Variants in MSL3 observed in about 807,000 individuals in gnomAD.
The protein encoded by MSL3 is MSL3-like 1.
A neutral mutation model predicts 37.2 loss-of-function variants in MSL3; 5 were observed. The observed-to-expected ratio is 0.13, with a 90% CI of 0.07 to 0.28. The LOEUF (loss-of-function observed/expected upper bound fraction) is 0.28, where lower values mean the gene tolerates loss of function less well. Ranked by LOEUF, MSL3 falls within the 10% of genes least tolerant of loss-of-function variation. The pLI is 1.00. For synonymous variants in MSL3, 149 were observed against 147.6 expected (o/e 1.01, Z -0.07); for missense variants, 315 against 408.5 (o/e 0.77, Z 1.97).
intron 10 of MSL3, 194 bp downstream of exon 10, chrX:11,768,876 C>G (rs924093676): frequency 2.9e-5 from 11 of 383,157 alleles, no homozygotes; most frequent in African/African-American, 2.8e-4. Context: ...GATTCCAGCC[C>G]TACACTGACA....
intron 1 of MSL3, chrX:11,758,881 C>G: frequency 1.2e-6 from 1 of 817,945 alleles, no homozygotes. Flanking sequence ...GAACCCCATC[C>G]CGAGGGCAAG....
At chrX:11,774,773 G>A (rs756654659) in intron 12 of MSL3, among the ~76,000 whole-genome samples, 3 of 111,226 alleles carry the variant, frequency 2.7e-5, no homozygotes, top group Non-Finnish European at 5.7e-5. Flanking sequence ...CCTGATGATG[G>A]TGAAGGCATT....
chrX:11,771,778 A>G (rs1198941472), intron 10 of MSL3, among the ~76,000 whole-genome samples: 2 of 111,708 alleles, frequency 1.8e-5, no homozygotes, highest in African/African-American at 6.5e-5. Context: ...ATGGGGTTTC[A>G]ACATGTTGGC....
At chrX:11,760,582 C>A in intron 3 of MSL3, 84 bp downstream of exon 3, 1 of 626,176 alleles carries the variant, frequency 1.6e-6, no homozygotes, top group Non-Finnish European at 2.4e-6. Context: ...AAAAGTAATA[C>A]AATGACAAAT....
chrX:11,758,331 AC>A lies in MSL3; in HGVS notation c.72del (p.Thr25ProfsTer29). 2 of 1,134,559 alleles carry A rather than the reference AC, an allele frequency of 1.8e-6. No homozygotes were observed. Among genetic ancestry groups the A allele is most frequent in the East Asian group, 3.7e-5 (1 of 26,757 alleles). 93.5% of individuals were successfully genotyped at this position (1,134,559 alleles called of 1,213,427 possible). On this transcript the variant is annotated frameshift_variant, in exon 1 of 13. Coordinates refer to ENST00000312196, the MANE Select transcript of MSL3 (RefSeq NM_078629.4). LOFTEE classifies it high-confidence loss of function. ...GAGAAAGTGCTGTGCTTCGAGCCTG[AC>A]CCCACCAAGGCGCGAGTGCTGTACG... ...SGEKVLCFEP[D>X]PTKARVLYDA...
intron 12 of MSL3, 93 bp downstream of exon 12, chrX:11,772,798 A>G: frequency 2.1e-6 from 1 of 470,496 alleles, no homozygotes; most frequent in Non-Finnish European, 3.6e-6. Flanking sequence ...CAGCTCTGTG[A>G]TATTTTAAAT....
chrX:11,760,591 A>G (rs1341066495), intron 3 of MSL3, 93 bp downstream of exon 3: 3 of 581,233 alleles, frequency 5.2e-6, no homozygotes. Context: ...ACAATGACAA[A>G]TATCATTTAT....
At chrX:11,769,986 C>G (rs1030666923) in intron 10 of MSL3, among the ~76,000 whole-genome samples, 14 of 112,540 alleles carry the variant, frequency 1.2e-4, no homozygotes, top group Non-Finnish European at 2.3e-4. Flanking sequence ...AGTGTGTACC[C>G]TAAGGTCTCT....
chrX:11,760,910 G>A lies in MSL3; in HGVS notation c.355G>A (p.Glu119Lys). Residue 119 changes from glutamate (E) to lysine (K), a missense_variant, in exon 4 of 13, where the codon GAA becomes AAA. Glu to Lys is a moderately conservative substitution (Grantham distance 56). Transcript: ENST00000312196. ...CTCTGTCTTAAAAGGCCTCCCCACT[G>A]AAGAAAAAGATGAAAATGATGAAAA... ...VDSVLKGLPT[E>K]EKDENDENSL... is the part of the protein sequence containing the mutation. 1 of 1,195,588 alleles carries A rather than the reference G, an allele frequency of 8.4e-7. No homozygotes were observed. Among genetic ancestry groups the A allele is most frequent in the South Asian group, 1.8e-5 (1 of 54,123 alleles).
intron 9 of MSL3, chrX:11,767,290 C>CT (rs1228032716): frequency 9.4e-6 from 7 of 748,205 alleles, no homozygotes; most frequent in African/African-American, 4.6e-5. Flanking sequence ...AAATCAGGTG[C>CT]TTTTTTAAAA....
intron 1 of MSL3, chrX:11,758,700 C>T: frequency 8.6e-7 from 1 of 1,166,907 alleles, no homozygotes; most frequent in Non-Finnish European, 1.1e-6. Flanking sequence ...TTTCTGTCTT[C>T]GCGTTAAATG....
chrX:11,768,919 A>G, intron 10 of MSL3: 1 of 336,049 alleles, frequency 3.0e-6, no homozygotes, highest in Non-Finnish European at 5.2e-6. Context: ...TTATTGAAAT[A>G]CCAGTATTTT....
chrX:11,767,371 A>G (rs1162694403), intron 9 of MSL3: 3 of 492,413 alleles, frequency 6.1e-6, no homozygotes, highest in Non-Finnish European at 7.5e-6. Flanking sequence ...CTCCAGACAC[A>G]GTGGTTCATG....
chrX:11,760,371 A>C (rs1349762690), intron 2 of MSL3, 32 bp from the exon 3 acceptor site: 1 of 1,074,280 alleles, frequency 9.3e-7, no homozygotes, highest in Admixed American at 2.4e-5. Flanking sequence ...TATCAAACTA[A>C]AGTACTGAAT....
intron 12 of MSL3, among the ~76,000 whole-genome samples, chrX:11,773,651 G>C (rs1205844487): frequency 8.9e-6 from 1 of 112,162 alleles, no homozygotes; most frequent in African/African-American, 3.2e-5. Context: ...ATAAAATTTT[G>C]TAAACTGAAA....
At position 11,761,482 on chromosome X, in the gene MSL3, T is replaced by C. The variant is rs1186741666; in HGVS notation, c.383-18T>C. Reference sequence around the variant, plus strand: ...AAGTATAAAATGCGAGTTTACCGGATGCTTTTGTTTCACCTAGCATTAAGC... The same window carrying C: ...AAGTATAAAATGCGAGTTTACCGGACGCTTTTGTTTCACCTAGCATTAAGC... On this transcript the variant is annotated intron_variant, in intron 4 of 12. Coordinates refer to ENST00000312196, the MANE Select transcript of MSL3 (RefSeq NM_078629.4). The C allele has an allele frequency of 8.8e-7, 1 of 1,138,366 alleles. No individual in the cohort carries two copies. The highest frequency in any genetic ancestry group is 1.8e-5 in the African/African-American group (1 of 55,213). 93.8% of individuals were successfully genotyped at this position (1,138,366 alleles called of 1,213,427 possible).
chrX:11,759,355 G>C (rs928709883), intron 1 of MSL3, among the ~76,000 whole-genome samples: 125 of 111,874 alleles, frequency 1.1e-3, no homozygotes, highest in African/African-American at 2.8e-3. Context: ...GGCGGAGGGG[G>C]GGGGGCACGC....
intron 9 of MSL3, 170 bp from the exon 10 acceptor site, chrX:11,768,403 A>AT: frequency 4.8e-6 from 2 of 413,183 alleles, no homozygotes; most frequent in Non-Finnish European, 8.4e-6. Context: ...TTTATTCCTT[A>AT]TTTTTTTAAC....
chrX:11,772,091 T>C, intron 10 of MSL3, 65 bp from the exon 11 acceptor site: 1 of 764,797 alleles, frequency 1.3e-6, no homozygotes, highest in East Asian at 3.2e-5. Context: ...ACTGTCATAA[T>C]TGTTAGGTGG....
Sources: allele counts gnomAD v4.1 joint callset (sites outside exome capture counted in the v4.1 genomes callset), GRCh38; gene constraint gnomAD v4.1.1; transcripts MANE v1.5; gene names NCBI Gene and HGNC (gene_info 2026-07-23, HGNC 2026-07-21).